The following CRYBG1 variants were observed in gnomAD, a reference collection of about 807,000 sequenced individuals.
The protein encoded by CRYBG1 is beta/gamma crystallin domain-containing protein 1.
A neutral mutation model predicts 189.2 loss-of-function variants in CRYBG1; 139 were observed. The ratio of observed to expected loss-of-function variants is 0.73; its 90% CI spans 0.64 to 0.85. CRYBG1 has a LOEUF of 0.85. Among genes scored for constraint, CRYBG1 ranks in the 40% least tolerant of loss-of-function variants. The pLI is 0.00. For synonymous variants in CRYBG1, 1,023 were observed against 1,017.1 expected (o/e 1.01, Z -0.11); for missense variants, 2,611 against 2,675.8 (o/e 0.98, Z 0.53).
At chr6:106,432,564 T>G (rs1771350519) in intron 1 of CRYBG1, among the ~76,000 whole-genome samples, 1 of 152,196 alleles carries the variant, frequency 6.6e-6, no homozygotes, top group Non-Finnish European at 1.5e-5. Context: ...ATTGCAAGGC[T>G]TGAACAATTG....
chr6:106,405,699 A>G (rs1022545888), intron 1 of CRYBG1, among the ~76,000 whole-genome samples: 4 of 152,212 alleles, frequency 2.6e-5, no homozygotes, highest in Admixed American at 1.3e-4. Flanking sequence ...ACAGGCAGCA[A>G]TCTTTGCTGT....
In CRYBG1 at chr6:106,370,297, C is replaced by T. The variant is rs568201489; in HGVS notation, c.173+9216C>T. Among the ~76,000 whole-genome samples, 5 of 152,308 alleles carry T rather than the reference C, an allele frequency of 3.3e-5. No homozygotes were observed. The East Asian group carries it at 5.8e-4, about 18-fold the overall frequency. On this transcript the variant is annotated intron_variant, in intron 1 of 21. Transcript: ENST00000633556. ...GCATTACCAAGAGGTGGACCTACTT[C>T]GTACCCCTTCTTCTGCCCTGACACA...
rs1275072543 is a variant in CRYBG1 at position 106,511,370 on chromosome 6, G to A, written c.313-60G>A. 3.5e-6 allele frequency: 5 copies of A among 1,408,900 alleles called. No individual in the cohort carries two copies. The Admixed American group carries it at 9.8e-5, about 28-fold the overall frequency. The allele number at this position is 1,408,900 out of a possible 1,614,324, so 87.3% of individuals were successfully genotyped here. A position where few individuals can be genotyped will look rare whatever the true frequency, so the allele number is the denominator to read the frequency against. ...TTTGGCTGGTGGTTCTGTAATGTAC[G>A]TCTAAGGGGAAAAACACCAGATTCT... On this transcript the variant is annotated intron_variant, in intron 2 of 21. Coordinates refer to ENST00000633556, the MANE Select transcript of CRYBG1 (RefSeq NM_001371242.2).
At chr6:106,518,892 G>A (rs770789850) in intron 3 of CRYBG1, among the ~76,000 whole-genome samples, 4 of 151,988 alleles carry the variant, frequency 2.6e-5, no homozygotes, top group Non-Finnish European at 4.4e-5. Context: ...CCAGGAGTTC[G>A]AGGCTGCAGC....
chr6:106,505,929 T>C (rs1195221744), intron 2 of CRYBG1, among the ~76,000 whole-genome samples: 1 of 151,882 alleles, frequency 6.6e-6, no homozygotes, highest in Non-Finnish European at 1.5e-5. Flanking sequence ...ATCACACGTG[T>C]TTAAAAAAAA....
intron 16 of CRYBG1, among the ~76,000 whole-genome samples, chr6:106,554,968 C>A (rs2114589454): frequency 6.6e-6 from 1 of 152,210 alleles, no homozygotes; most frequent in South Asian, 2.1e-4. Context: ...ATTTCGAGAC[C>A]AGTCTGGCCA....
At chr6:106,373,780 CATT>C (rs1376275585) in intron 1 of CRYBG1, among the ~76,000 whole-genome samples, 1 of 152,118 alleles carries the variant, frequency 6.6e-6, no homozygotes, top group Non-Finnish European at 1.5e-5. Flanking sequence ...AAGCCTAAAT[CATT>C]ATAGTCATTA....
intron 2 of CRYBG1, among the ~76,000 whole-genome samples, chr6:106,492,887 C>A (rs1772756684): frequency 4.6e-5 from 7 of 151,984 alleles, no homozygotes; most frequent in Admixed American, 4.6e-4. Context: ...CTCATGTAAC[C>A]ATGAGTGTGA....
intron 1 of CRYBG1, among the ~76,000 whole-genome samples, chr6:106,373,432 A>C (rs1472446243): frequency 6.6e-6 from 1 of 152,220 alleles, no homozygotes; most frequent in African/African-American, 2.4e-5. Flanking sequence ...CAAAAGAGGA[A>C]AGAAAATGCT....
At chr6:106,422,344 A>ATTTATTTTTTTTTTTTT (rs57640822) in intron 1 of CRYBG1, among the ~76,000 whole-genome samples, 4 of 139,988 alleles carry the variant, frequency 2.9e-5, no homozygotes, top group African/African-American at 1.1e-4. Flanking sequence ...TTATTTATTT[A>ATTTATTTTTTTTTTTTT]TTTTTGAGAC....
intron 3 of CRYBG1, among the ~76,000 whole-genome samples, chr6:106,517,435 C>CACACACATATAT (rs1773462683): frequency 8.0e-6 from 1 of 124,312 alleles, no homozygotes; most frequent in Non-Finnish European, 1.7e-5. Flanking sequence ...TATATACACA[C>CACACACATATAT]ACACATATAT....
chr6:106,549,411 C>A (rs899818248), intron 13 of CRYBG1, among the ~76,000 whole-genome samples: 3 of 152,110 alleles, frequency 2.0e-5, no homozygotes, highest in African/African-American at 7.2e-5. Flanking sequence ...CAGGTGGAGC[C>A]AGGTCTCCTA....
chr6:106,447,021 A>T lies in CRYBG1; in HGVS notation c.174-4673A>T, dbSNP rs113881932. 6.3e-3 allele frequency among the ~76,000 whole-genome samples: 957 copies of T among 152,356 alleles called. 10 individuals are homozygous for T. Among genetic ancestry groups the T allele is most frequent in the African/African-American group, 0.022 (901 of 41,568 alleles). On this transcript the variant is annotated intron_variant, in intron 1 of 21. Coordinates refer to ENST00000633556, the MANE Select transcript of CRYBG1 (RefSeq NM_001371242.2). ...TGAGTAAAATCAAGTACCATACTTA[A>T]CACTGAAACTTTCACTCTGGCAGTA... is the stretch of plus-strand genomic sequence containing the variant.
intron 1 of CRYBG1, among the ~76,000 whole-genome samples, chr6:106,431,870 C>T (rs1400644496): frequency 6.6e-6 from 1 of 152,036 alleles, no homozygotes; most frequent in African/African-American, 2.4e-5. Context: ...CCCACTCTAG[C>T]TTCACAGAAC....
intron 1 of CRYBG1, among the ~76,000 whole-genome samples, chr6:106,361,972 T>TG: frequency 8.3e-6 from 1 of 120,952 alleles, no homozygotes; most frequent in African/African-American, 3.8e-5. Context: ...TTTCTTTCTT[T>TG]TTTTTTTTTT....
intron 1 of CRYBG1, among the ~76,000 whole-genome samples, chr6:106,374,005 A>G (rs1409931749): frequency 6.6e-6 from 1 of 152,228 alleles, no homozygotes; most frequent in African/African-American, 2.4e-5. Flanking sequence ...GTTTTCAGTG[A>G]CTGTGTTTGT....
chr6:106,550,212 G>C (rs1478527144), intron 13 of CRYBG1, among the ~76,000 whole-genome samples: 1 of 152,128 alleles, frequency 6.6e-6, no homozygotes, highest in African/African-American at 2.4e-5. Context: ...TTAACTTACT[G>C]TGTCTTAGGT....
chr6:106,512,930 A>G lies in CRYBG1; in HGVS notation c.1813A>G (p.Arg605Gly). The G allele has an allele frequency of 1.2e-6, 2 of 1,609,530 alleles. No homozygotes were observed. The highest frequency in any genetic ancestry group is 1.3e-5 in the African/African-American group (1 of 74,998). The part of the protein sequence containing the change: ...FNGRAEGGRS[R>G]ELGRAAGAPG... ...CGGCCGGGCAGAGGGAGGTCGAAGC[A>G]GAGAGCTGGGCAGAGCGGCCGGAGC... The change falls in exon 3 of 22, where the codon AGA becomes GGA. Residue 605 changes from arginine to glycine, a missense_variant. Arg to Gly is a moderately radical substitution (Grantham distance 125). Coordinates refer to ENST00000633556, the MANE Select transcript of CRYBG1 (RefSeq NM_001371242.2).
rs1039434211 is a variant in CRYBG1, at chr6:106,512,383, G to C, written c.1266G>C (p.Arg422Ser). The change falls in exon 3 of 22, where the codon AGG becomes AGC. Residue 422 changes from arginine to serine, a missense_variant. Around this residue, in one of 3 missense-constraint regions of CRYBG1, gnomAD observed 985 missense variants for 924.4 expected, o/e 1.07. Coordinates refer to ENST00000633556, the MANE Select transcript of CRYBG1 (RefSeq NM_001371242.2). ...GCGGCCGTAGGTCGGGGAGGCGGAGGGGGTCGCAGAAATCCACCGACTCCC... is the reference window on the plus strand; with the variant it reads ...GCGGCCGTAGGTCGGGGAGGCGGAGCGGGTCGCAGAAATCCACCGACTCCC... The part of the protein sequence containing the change: ...RSSGRRSGRR[R>S]GSQKSTDSPG... 8 of 1,611,008 alleles carry C rather than the reference G, an allele frequency of 5.0e-6. No individual in the cohort carries two copies. The highest frequency in any genetic ancestry group is 6.8e-6 in the Non-Finnish European group (8 of 1,179,220).
Sources: allele counts gnomAD v4.1 joint callset (sites outside exome capture counted in the v4.1 genomes callset), GRCh38; gene constraint gnomAD v4.1.1; regional missense constraint gnomAD v4.1.1; transcripts MANE v1.5; gene names NCBI Gene and HGNC (gene_info 2026-07-23, HGNC 2026-07-21).